RAB38: variants seen among roughly 807,000 people sequenced by gnomAD.
RAB38 encodes the protein RAB38, member RAS oncogene family.
RAB38 carries 15 observed loss-of-function variants against 18.4 expected under a neutral mutation model. The ratio of observed to expected loss-of-function variants is 0.82; its 90% confidence interval spans 0.55 to 1.26. The LOEUF is 1.26. Ranked by LOEUF, RAB38 falls within the 50% of genes most tolerant of loss-of-function variation. The pLI, the probability that RAB38 is intolerant of heterozygous loss-of-function variation, is 0.00. For synonymous variants in RAB38, 101 were observed against 104.4 expected (o/e 0.97, Z 0.20); for missense variants, 294 against 267.4 (o/e 1.10, Z -0.69).
the RAB38 span, among the ~76,000 whole-genome samples, chr11:87,854,014 C>T: frequency 2.6e-5 from 4 of 152,222 alleles, no homozygotes; most frequent in South Asian, 4.2e-4. Flanking sequence ...TGACAGGTCT[C>T]GTTCTTCTAT....
the RAB38 span, among the ~76,000 whole-genome samples, chr11:88,039,596 G>T: frequency 6.6e-6 from 1 of 152,284 alleles, no homozygotes; most frequent in South Asian, 2.1e-4. Flanking sequence ...CTCATGAATT[G>T]ATTAATTTTC....
the RAB38 span, among the ~76,000 whole-genome samples, chr11:87,955,516 ATTAT>A: frequency 6.6e-6 from 1 of 152,136 alleles, no homozygotes; most frequent in Non-Finnish European, 1.5e-5. Flanking sequence ...AAAAGTTAAA[ATTAT>A]TTAAAGTATC....
the RAB38 span, among the ~76,000 whole-genome samples, chr11:87,929,564 T>G: frequency 8.0e-5 from 7 of 87,446 alleles, no homozygotes; most frequent in East Asian, 5.7e-4. Flanking sequence ...TTTTTTTTGG[T>G]TTTTTTTTTT....
chr11:87,808,990 AG>A, the RAB38 span, among the ~76,000 whole-genome samples: 2 of 152,124 alleles, frequency 1.3e-5, no homozygotes, highest in Non-Finnish European at 2.9e-5. Context: ...AAATTGGTAG[AG>A]GGGAAAGAAT....
At chr11:88,147,619 G>T (rs1035115133) in intron 2 of RAB38, among the ~76,000 whole-genome samples, 2 of 151,644 alleles carry the variant, frequency 1.3e-5, no homozygotes, top group African/African-American at 4.8e-5. Flanking sequence ...ACAGCCGGGT[G>T]CGGTGGCTCA....
chr11:88,035,706 A>T, the RAB38 span, among the ~76,000 whole-genome samples: 2 of 152,226 alleles, frequency 1.3e-5, no homozygotes, highest in African/African-American at 2.4e-5. Flanking sequence ...GAATACCTCA[A>T]ATTTGGTTGA....
the RAB38 span, among the ~76,000 whole-genome samples, chr11:87,859,410 T>C: frequency 1.3e-5 from 2 of 152,010 alleles, no homozygotes; most frequent in Admixed American, 6.6e-5. Flanking sequence ...TATATGAAGA[T>C]AATCAGAAAA....
the RAB38 span, among the ~76,000 whole-genome samples, chr11:87,827,004 G>A: frequency 2.0e-5 from 3 of 152,074 alleles, no homozygotes; most frequent in South Asian, 6.2e-4. Flanking sequence ...TGGATATCAT[G>A]GTATTTGTGG....
the RAB38 span, among the ~76,000 whole-genome samples, chr11:87,817,849 C>T: frequency 6.6e-6 from 1 of 152,084 alleles, no homozygotes; most frequent in African/African-American, 2.4e-5. Flanking sequence ...ATCTCAAATG[C>T]AGTCGAGGCA....
chr11:87,854,484 C>G, the RAB38 span, among the ~76,000 whole-genome samples: 1 of 152,064 alleles, frequency 6.6e-6, no homozygotes, highest in Admixed American at 6.5e-5. Flanking sequence ...CCACTCTTAA[C>G]ACATAAAGAT....
At chr11:88,108,665 GT>G (rs1942433456), downstream of RAB38, among the ~76,000 whole-genome samples, 1 of 151,882 alleles carries the variant, frequency 6.6e-6, no homozygotes, top group Admixed American at 6.6e-5. Flanking sequence ...ATTGTTATGT[GT>G]GAATTTGATC....
chr11:87,848,502 T>C, the RAB38 span, among the ~76,000 whole-genome samples: 1 of 151,082 alleles, frequency 6.6e-6, no homozygotes, highest in Admixed American at 6.6e-5. Flanking sequence ...TGATAATTTA[T>C]GATTTTATTT....
At chr11:88,079,217 A>G in the RAB38 span, among the ~76,000 whole-genome samples, 3 of 151,846 alleles carry the variant, frequency 2.0e-5, no homozygotes, top group African/African-American at 7.2e-5. Flanking sequence ...AAGAAACAAA[A>G]CAGTAATATC....
chr11:87,920,833 T>A, the RAB38 span, among the ~76,000 whole-genome samples: 1 of 152,106 alleles, frequency 6.6e-6, no homozygotes, highest in Non-Finnish European at 1.5e-5. Context: ...TGGGTGAACA[T>A]GTATTTGCAG....
chr11:87,848,252 C>T, the RAB38 span, among the ~76,000 whole-genome samples: 87 of 152,256 alleles, frequency 5.7e-4, 1 homozygote, highest in South Asian at 8.3e-4. Flanking sequence ...GGACAGCCAG[C>T]ATCCAGTTTC....
chr11:88,148,980 G>A (rs1489634536), intron 2 of RAB38, among the ~76,000 whole-genome samples: 1 of 151,926 alleles, frequency 6.6e-6, no homozygotes, highest in South Asian at 2.1e-4. Flanking sequence ...CAAAAAGAGA[G>A]TAGAACAAAA....
the RAB38 span, among the ~76,000 whole-genome samples, chr11:88,071,087 A>T: frequency 4.6e-5 from 7 of 152,208 alleles, no homozygotes; most frequent in Admixed American, 3.9e-4. Flanking sequence ...TGCTCAAAAG[A>T]AAGACCAGAG....
the RAB38 span, among the ~76,000 whole-genome samples, chr11:88,107,642 A>C: frequency 6.6e-6 from 1 of 151,076 alleles, no homozygotes; most frequent in Non-Finnish European, 1.5e-5. Flanking sequence ...GATCTTAGTT[A>C]TTTTTTGTCT....
the RAB38 span, among the ~76,000 whole-genome samples, chr11:87,946,972 T>A: frequency 2.6e-5 from 4 of 151,880 alleles, no homozygotes; most frequent in Admixed American, 2.6e-4. Context: ...CCACACTGAC[T>A]TCCACAATGG....
Sources: allele counts gnomAD v4.1 joint callset (sites outside exome capture counted in the v4.1 genomes callset), GRCh38; gene constraint gnomAD v4.1.1; transcripts MANE v1.5; gene names NCBI Gene and HGNC (gene_info 2026-07-23, HGNC 2026-07-21).